OR2G6: variants seen among roughly 807,000 people sequenced by gnomAD.
OR2G6 encodes olfactory receptor 2G6.
For synonymous variants in OR2G6, 183 were observed against 155.2 expected, an observed-to-expected ratio of 1.18 and a Z score of -1.33; for missense variants, 457 against 391.3, an observed-to-expected ratio of 1.17 and a Z score of -1.42.
In OR2G6 at chr1:248,522,088, G is replaced by C. The variant is rs138151830; in HGVS notation, c.442G>C (p.Ala148Pro). The stretch of plus-strand genomic sequence containing the variant: ...GTTCTGTGCGTCTCTGGCCGGTGGA[G>C]CATGGCTCAGCGGCCTCATCACCTC... ...PRFCASLAGG[A>P]WLSGLITSLI... The change falls in exon 2 of 2, where the codon GCA becomes CCA. Residue 148 changes from alanine (A) to proline (P), a missense_variant. By Grantham distance (27) the Ala-to-Pro change is conservative (BLOSUM62 -1). Coordinates refer to ENST00000641804, the MANE Select transcript of OR2G6 (RefSeq NM_001013355.2). The C allele has an allele frequency of 8.8e-5, 142 of 1,614,160 alleles. No homozygotes were observed. Among genetic ancestry groups the C allele is most frequent in the East Asian group, 7.6e-4 (34 of 44,876 alleles).
At position 248,522,243 on chromosome 1, in the gene OR2G6, CTT is replaced by C. The variant is rs776101349; in HGVS notation, c.599_600del (p.Phe200CysfsTer65). On this transcript the variant is annotated frameshift_variant, in exon 2 of 2. Coordinates refer to ENST00000641804, the MANE Select transcript of OR2G6 (RefSeq NM_001013355.2). LOFTEE classifies it low-confidence loss of function (END_TRUNC). Reference protein sequence around the residue: ...VDTTFNEAELFVASVVFLIVP... With the variant: ...VDTTFNEAELXVASVVFLIVP... ...ATACGACTTTCAACGAGGCAGAACT[CTT>C]TGTGGCCAGTGTAGTCTTTCTAATT... 6.2e-7 allele frequency: 1 copy of C among 1,614,162 alleles called. No individual in the cohort carries two copies. The highest frequency in any genetic ancestry group is 1.1e-5 in the South Asian group (1 of 91,084).
At position 248,522,338 on chromosome 1, in the gene OR2G6, C is replaced by G. The variant is rs766535680; in HGVS notation, c.692C>G (p.Ala231Gly). 2.5e-6 allele frequency: 4 copies of G among 1,614,184 alleles called. No homozygotes were observed. The Admixed American group carries it at 6.7e-5, about 27-fold the overall frequency. The change falls in exon 2 of 2, where the codon GCT becomes GGT. Residue 231 changes from alanine to glycine, a missense_variant. By Grantham distance (60) the Ala-to-Gly change is moderately conservative. Coordinates refer to ENST00000641804, the MANE Select transcript of OR2G6 (RefSeq NM_001013355.2). The stretch of plus-strand genomic sequence containing the variant: ...CAAGCTGTGTTAAGGATAAAATCAG[C>G]TGCGGGCCGCCAAAAGGCCTTTGGG... Reference protein sequence around the residue: ...ITQAVLRIKSAAGRQKAFGTC... With the variant: ...ITQAVLRIKSGAGRQKAFGTC...
intron 1 of OR2G6, among the ~76,000 whole-genome samples, chr1:248,519,838 T>A (rs1040246500): frequency 2.0e-5 from 3 of 152,254 alleles, no homozygotes; most frequent in Admixed American, 1.3e-4. Flanking sequence ...CCATATGAAA[T>A]TTAAAGTAGT....
chr1:248,509,040 T>C (rs1166198319), intron 1 of OR2G6, among the ~76,000 whole-genome samples: 2 of 75,380 alleles, frequency 2.7e-5, no homozygotes, highest in Admixed American at 1.4e-4. Context: ...GCCTGGCTCA[T>C]GATAAATTTT....
chr1:248,520,285 G>A (rs185694488), intron 1 of OR2G6, among the ~76,000 whole-genome samples: 83 of 152,232 alleles, frequency 5.5e-4, no homozygotes, highest in Non-Finnish European at 1.6e-4. Context: ...TGGGTTGGGG[G>A]GCTAGGAAGG....
rs747554563 is a variant in OR2G6 at position 248,521,973 on chromosome 1, G to A, written c.327G>A (p.Ser109=). 2.9e-5 allele frequency: 47 copies of A among 1,613,998 alleles called. No homozygotes were observed. Among genetic ancestry groups the A allele is most frequent in the Middle Eastern group, 1.6e-4 (1 of 6,084 alleles). Residue 109 remains serine (S), a synonymous_variant, in exon 2 of 2, where the codon TCG becomes TCA. Transcript: ENST00000641804. ...AQLYVAMGLG[S]SECILLAVMA... ...TCTATGTGGCCATGGGGTTGGGCTCGTCTGAGTGTATTCTCTTGGCCGTCA... is the reference window on the plus strand; with the variant it reads ...TCTATGTGGCCATGGGGTTGGGCTCATCTGAGTGTATTCTCTTGGCCGTCA...
chr1:248,521,773 A>G lies in OR2G6; in HGVS notation c.127A>G (p.Thr43Ala), dbSNP rs1454171115. 3 of 1,614,062 alleles carry G rather than the reference A, an allele frequency of 1.9e-6. No homozygotes were observed. The Admixed American group carries it at 5.0e-5, about 27-fold the overall frequency. ...CTACGTCTTGAGCCTTCTGGGGAAC[A>G]CTGCCCTCATACTAGTATGTTGTCT... is the stretch of plus-strand genomic sequence containing the variant. ...YFYVLSLLGN[T>A]ALILVCCLDS... Residue 43 changes from threonine to alanine, a missense_variant, in exon 2 of 2, where the codon ACT becomes GCT. By Grantham distance (58) the Thr-to-Ala change is moderately conservative. Coordinates refer to ENST00000641804, the MANE Select transcript of OR2G6 (RefSeq NM_001013355.2).
chr1:248,524,515 A>ACACAGCAT lies in OR2G6; in HGVS notation c.*1919_*1926dup, dbSNP rs1664355713. On this transcript the variant is annotated 3_prime_UTR_variant, in exon 2 of 2. Transcript: ENST00000641804. ...TGCATTATTCCTGATAACCCGAGCA[A>ACACAGCAT]CACAGCATAGGAAAGAATGTACCTG... 6.6e-6 allele frequency: 1 copy of ACACAGCAT among 152,242 alleles called. No homozygotes were observed. The highest frequency in any genetic ancestry group is 1.5e-5 in the Non-Finnish European group (1 of 68,036). 9.4% of individuals were successfully genotyped at this position (152,242 alleles called of 1,614,324 possible). A position where few individuals can be genotyped will look rare whatever the true frequency, so the allele number is the denominator to read the frequency against.
chr1:248,521,953 G>A lies in OR2G6; in HGVS notation c.307G>A (p.Val103Met), dbSNP rs767312128. The stretch of plus-strand genomic sequence containing the variant: ...CGGTGGCTGTGTGGCCCAGCTCTAT[G>A]TGGCCATGGGGTTGGGCTCGTCTGA... ...SYGGCVAQLY[V>M]AMGLGSSECI... is the part of the protein sequence containing the mutation. Residue 103 changes from valine (V) to methionine (M), a missense_variant, in exon 2 of 2, where the codon GTG (valine) becomes ATG (methionine). By Grantham distance (21) the Val-to-Met change is conservative (BLOSUM62 1). Transcript: ENST00000641804. 48 of 1,614,022 alleles carry A rather than the reference G, an allele frequency of 3.0e-5. No homozygotes were observed. The highest frequency in any genetic ancestry group is 2.0e-4 in the African/African-American group (15 of 74,902).
chr1:248,524,293 A>G lies in OR2G6; in HGVS notation c.*1696A>G, dbSNP rs903423149. The G allele has an allele frequency of 1.3e-5, 2 of 152,188 alleles. No individual in the cohort carries two copies. Among genetic ancestry groups the G allele is most frequent in the African/African-American group, 4.8e-5 (2 of 41,432 alleles). The allele number at this position is 152,188 out of a possible 1,614,324, so 9.4% of individuals were successfully genotyped here. ...CAATATACTTTTAGCAAACAAAATG[A>G]TGAATATCCAATTTAACAAAAACGA... On this transcript the variant is annotated 3_prime_UTR_variant, in exon 2 of 2. Coordinates refer to ENST00000641804, the MANE Select transcript of OR2G6 (RefSeq NM_001013355.2).
intron 1 of OR2G6, among the ~76,000 whole-genome samples, chr1:248,519,398 T>G (rs1248324619): frequency 1.3e-5 from 2 of 148,870 alleles, no homozygotes; most frequent in Non-Finnish European, 3.0e-5. Context: ...AGTCATGAAG[T>G]CTTTACCCAC....
rs1163628430 is a variant in OR2G6 at position 248,524,923 on chromosome 1, A to G, written c.*2326A>G. On this transcript the variant is annotated 3_prime_UTR_variant, in exon 2 of 2. Coordinates refer to ENST00000641804, the MANE Select transcript of OR2G6 (RefSeq NM_001013355.2). Reference sequence around the variant, plus strand: ...ATAGGCAAAGCAACCTAAAAAAACTACTTAACTGCAGATGAAAATGGGAAC... The same window carrying G: ...ATAGGCAAAGCAACCTAAAAAAACTGCTTAACTGCAGATGAAAATGGGAAC... The G allele has an allele frequency of 6.6e-6, 1 of 152,186 alleles. No individual in the cohort carries two copies. The highest frequency in any genetic ancestry group is 1.5e-5 in the Non-Finnish European group (1 of 68,026). 9.4% of individuals were successfully genotyped at this position (152,186 alleles called of 1,614,324 possible). A position where few individuals can be genotyped will look rare whatever the true frequency, so the allele number is the denominator to read the frequency against.
rs1045176153 is a variant in OR2G6 at position 248,523,867 on chromosome 1, G to C, written c.*1270G>C. The C allele has an allele frequency of 3.9e-5, 6 of 152,174 alleles. No homozygotes were observed. The highest frequency in any genetic ancestry group is 1.4e-4 in the African/African-American group (6 of 41,450). The allele number at this position is 152,174 out of a possible 1,614,324, so 9.4% of individuals were successfully genotyped here. A position where few individuals can be genotyped will look rare whatever the true frequency, so the allele number is the denominator to read the frequency against. Reference sequence around the variant, plus strand: ...ATTATGATACACATGAAAAAAGCATGAAAACATCAATGCAAATGAAGAGTA... The same window carrying C: ...ATTATGATACACATGAAAAAAGCATCAAAACATCAATGCAAATGAAGAGTA... On this transcript the variant is annotated 3_prime_UTR_variant, in exon 2 of 2. Coordinates refer to ENST00000641804, the MANE Select transcript of OR2G6 (RefSeq NM_001013355.2).
chr1:248,520,866 ATAT>A (rs1409769119), intron 1 of OR2G6, among the ~76,000 whole-genome samples: 55 of 134,000 alleles, frequency 4.1e-4, no homozygotes, highest in African/African-American at 1.8e-3. Context: ...ATATATATAT[ATAT>A]AAAAATATAT....
Position 248,523,814 on chromosome 1 carries a change from TGTG to T in OR2G6, c.*1220_*1222del, listed in dbSNP as rs893383478. ...AATTATAGAAAAAAGTGATTTAATC[TGTG>T]GTTGTAATTTTACTTCATATTCTCA... On this transcript the variant is annotated 3_prime_UTR_variant, in exon 2 of 2. Transcript: ENST00000641804. 3.0e-4 allele frequency: 45 copies of T among 152,240 alleles called. 2 individuals are homozygous for T. Among genetic ancestry groups the T allele is most frequent in the Non-Finnish European group, 1.2e-4 (8 of 68,048 alleles). The allele number at this position is 152,240 out of a possible 1,614,324, so 9.4% of individuals were successfully genotyped here.
In OR2G6 at chr1:248,522,240, A is replaced by T; in HGVS notation, c.594A>T (p.Glu198Asp). Reference sequence around the variant, plus strand: ...TGGATACGACTTTCAACGAGGCAGAACTCTTTGTGGCCAGTGTAGTCTTTC... The same window carrying T: ...TGGATACGACTTTCAACGAGGCAGATCTCTTTGTGGCCAGTGTAGTCTTTC... ...ACVDTTFNEA[E>D]LFVASVVFLI... The change falls in exon 2 of 2, where the codon GAA (glutamate) becomes GAT (aspartate). Residue 198 changes from glutamate (E) to aspartate (D), a missense_variant. Physicochemically the swap from Glu to Asp is conservative, Grantham distance 45. Coordinates refer to ENST00000641804, the MANE Select transcript of OR2G6 (RefSeq NM_001013355.2). The T allele has an allele frequency of 6.2e-7, 1 of 1,613,606 alleles. No homozygotes were observed. Among genetic ancestry groups the T allele is most frequent in the Non-Finnish European group, 8.5e-7 (1 of 1,179,886 alleles).
Position 248,525,332 on chromosome 1 carries a change from A to AG in OR2G6, c.*2735_*2736insG, listed in dbSNP as rs1344150839. 6.6e-6 allele frequency: 1 copy of AG among 152,214 alleles called. No homozygotes were observed. Among genetic ancestry groups the AG allele is most frequent in the Non-Finnish European group, 1.5e-5 (1 of 68,034 alleles). The allele number at this position is 152,214 out of a possible 1,614,324, so 9.4% of individuals were successfully genotyped here. On this transcript the variant is annotated 3_prime_UTR_variant, in exon 2 of 2. Coordinates refer to ENST00000641804, the MANE Select transcript of OR2G6 (RefSeq NM_001013355.2). Reference sequence around the variant, plus strand: ...TTTCAAAGGATGCGCCAAGAAAAAAACTATCACTTAGTTAAATGACCATTC... The same window carrying AG: ...TTTCAAAGGATGCGCCAAGAAAAAAAGCTATCACTTAGTTAAATGACCATTC...
chr1:248,521,893 G>T lies in OR2G6; in HGVS notation c.247G>T (p.Val83Phe). 6.2e-7 allele frequency: 1 copy of T among 1,614,120 alleles called. No individual in the cohort carries two copies. Among genetic ancestry groups the T allele is most frequent in the Non-Finnish European group, 8.5e-7 (1 of 1,180,024 alleles). Residue 83 changes from valine (V) to phenylalanine (F), a missense_variant, in exon 2 of 2, where the codon GTT becomes TTT. By Grantham distance (50) the Val-to-Phe change is conservative (BLOSUM62 -1). Coordinates refer to ENST00000641804, the MANE Select transcript of OR2G6 (RefSeq NM_001013355.2). ...CACCAGTGTTGCCCCACAGTTGCTG[G>T]TTACCATGAATAAGAAAGACAAAAC... The part of the protein sequence containing the change: ...FTTSVAPQLL[V>F]TMNKKDKTMS...
Position 248,527,059 on chromosome 1 carries a change from C to T in OR2G6, c.*4462C>T, listed in dbSNP as rs1296322862. On this transcript the variant is annotated 3_prime_UTR_variant, in exon 2 of 2. Transcript: ENST00000641804. ...GCTTTTGGTGTTTTAGACATGAAGT[C>T]CTTATCCATGCCTATGTCCTGAATG... 1 of 152,154 alleles carries T rather than the reference C, an allele frequency of 6.6e-6. No individual in the cohort carries two copies. The highest frequency in any genetic ancestry group is 1.9e-4 in the East Asian group (1 of 5,196). The allele number at this position is 152,154 out of a possible 1,614,324, so 9.4% of individuals were successfully genotyped here.
Sources: gnomAD v4.1 joint callset for allele counts (sites outside exome capture counted in the v4.1 genomes callset) on GRCh38, gnomAD v4.1.1 for gene constraint, MANE v1.5 for transcripts, NCBI Gene and HGNC (gene_info 2026-07-23, HGNC 2026-07-21) for gene names.